The following SLC13A4 variants were observed in gnomAD, a reference collection of about 807,000 sequenced individuals.
The protein encoded by SLC13A4 is Na(+)/sulfate cotransporter SUT-1.
SLC13A4 carries 28 observed loss-of-function variants against 72.7 expected under a neutral mutation model. The observed-to-expected ratio is 0.39, with a 90% CI of 0.29 to 0.53. The LOEUF is 0.53. SLC13A4 is among the 20% of genes least tolerant of loss of function. The pLI, the probability that SLC13A4 is intolerant of heterozygous loss-of-function variation, is 0.78. For missense variants in SLC13A4, 653 were observed against 788.0 expected, an observed-to-expected ratio of 0.83 and a Z score of 2.05; for synonymous variants, 312 against 325.5, an observed-to-expected ratio of 0.96 and a Z score of 0.45.
At chr7:135,695,575 A>C in intron 8 of SLC13A4, 88 bp from the exon 9 acceptor site, 1 of 1,444,240 alleles carries the variant, frequency 6.9e-7, no homozygotes, top group Non-Finnish European at 9.4e-7. Context: ...TCCCTAAAAC[A>C]TACAGCTGGG....
chr7:135,689,209 A>G (rs1267045152), intron 13 of SLC13A4, among the ~76,000 whole-genome samples: 2 of 152,146 alleles, frequency 1.3e-5, no homozygotes, highest in Non-Finnish European at 2.9e-5. Flanking sequence ...AAAAAATAAA[A>G]TCTTGCCAGG....
intron 15 of SLC13A4, chr7:135,683,819 G>A (rs1179090012): frequency 2.0e-6 from 2 of 981,078 alleles, no homozygotes; most frequent in Non-Finnish European, 2.4e-6. Flanking sequence ...AAGAAACGAA[G>A]GCAAAACTTG....
intron 7 of SLC13A4, among the ~76,000 whole-genome samples, chr7:135,700,535 ATTG>A (rs1428481832): frequency 9.2e-5 from 14 of 152,218 alleles, no homozygotes; most frequent in African/African-American, 3.4e-4. Context: ...TAAAAGATCC[ATTG>A]ATTAACAGAG....
In SLC13A4 at chr7:135,705,577, A is replaced by G. The variant is rs778292095; in HGVS notation, c.593+19T>C. The G allele has an allele frequency of 8.7e-6, 14 of 1,612,670 alleles. No homozygotes were observed. Among genetic ancestry groups the G allele is most frequent in the Non-Finnish European group, 1.2e-5 (14 of 1,178,964 alleles). ...TGGACTCTGAGAGGCGCTGTCTGGG[A>G]GAGGGCAGTCATACTCACTCTTCAT... On this transcript the variant is annotated intron_variant, in intron 5 of 15. Coordinates refer to ENST00000682651, the MANE Select transcript of SLC13A4 (RefSeq NM_001318192.2).
At chr7:135,702,527 C>T (rs1208829607) in intron 6 of SLC13A4, 1 of 288,160 alleles carries the variant, frequency 3.5e-6, no homozygotes, top group African/African-American at 2.2e-5. Flanking sequence ...CGGTGCCCAT[C>T]ACCACTCCCA....
intron 2 of SLC13A4, among the ~76,000 whole-genome samples, chr7:135,720,641 G>C (rs760604583): frequency 1.3e-5 from 2 of 151,278 alleles, no homozygotes; most frequent in African/African-American, 2.4e-5. Flanking sequence ...AATGGAACCA[G>C]GTGTTACTGA....
At chr7:135,694,319 C>T (rs573930841) in intron 9 of SLC13A4, 81 bp from the exon 10 acceptor site, 33 of 833,810 alleles carry the variant, frequency 4.0e-5, no homozygotes, top group Non-Finnish European at 5.6e-5. Context: ...AATACTAAAC[C>T]GCTTGCCTGC....
In SLC13A4 at chr7:135,721,398, A is replaced by G. The variant is rs780723102; in HGVS notation, c.225T>C (p.Asn75=). 1.9e-6 allele frequency: 3 copies of G among 1,613,912 alleles called. No individual in the cohort carries two copies. The highest frequency in any genetic ancestry group is 1.7e-6 in the Non-Finnish European group (2 of 1,179,874). ...GTGGGGCTACAAGTAGTCTAACCTC[A>G]TTGGACCGGAGGACTCCGAAGAACG... is the stretch of plus-strand genomic sequence containing the variant. ...LYPFFGVLRS[N]EVAAEYFKNT... is the part of the protein sequence containing the mutation. Residue 75 remains asparagine (N), a synonymous_variant, in exon 2 of 16, where the codon AAT becomes AAC. Transcript: ENST00000682651.
At chr7:135,684,849 C>G (rs1401429399) in intron 14 of SLC13A4, among the ~76,000 whole-genome samples, 1 of 152,078 alleles carries the variant, frequency 6.6e-6, no homozygotes, top group Non-Finnish European at 1.5e-5. Flanking sequence ...GACTATGTTG[C>G]TGGGGTCAGG....
At chr7:135,695,033 T>A (rs1326322334) in intron 9 of SLC13A4, among the ~76,000 whole-genome samples, 4 of 152,184 alleles carry the variant, frequency 2.6e-5, no homozygotes, top group African/African-American at 9.7e-5. Flanking sequence ...TTTCTTGGAG[T>A]AATTGGAAGT....
chr7:135,715,333 G>A (rs113331026), intron 2 of SLC13A4, among the ~76,000 whole-genome samples: 18 of 149,470 alleles, frequency 1.2e-4, no homozygotes, highest in African/African-American at 4.2e-4. Flanking sequence ...GTGAGTAAGT[G>A]TATGTATATG....
intron 13 of SLC13A4, among the ~76,000 whole-genome samples, chr7:135,687,050 C>T (rs1293495883): frequency 2.0e-5 from 3 of 152,032 alleles, no homozygotes; most frequent in African/African-American, 7.2e-5. Flanking sequence ...GAGTGAGACT[C>T]TGTCTCAAAA....
intron 2 of SLC13A4, among the ~76,000 whole-genome samples, chr7:135,720,525 C>T (rs1360536104): frequency 1.3e-5 from 2 of 149,092 alleles, no homozygotes; most frequent in Admixed American, 1.3e-4. Context: ...ATAACCTTAC[C>T]CCCATCTCAG....
chr7:135,713,037 C>T (rs527909259), intron 2 of SLC13A4, among the ~76,000 whole-genome samples: 89 of 152,112 alleles, frequency 5.9e-4, no homozygotes, highest in Non-Finnish European at 1.2e-3. Flanking sequence ...GCTGGTTTCC[C>T]GTCTCATTCT....
intron 10 of SLC13A4, among the ~76,000 whole-genome samples, chr7:135,693,812 C>G (rs1795844163): frequency 1.3e-5 from 2 of 152,194 alleles, no homozygotes; most frequent in Admixed American, 6.5e-5. Context: ...TGAGAGGTGG[C>G]CTGGCTTTGG....
Position 135,699,324 on chromosome 7 carries a change from G to C in SLC13A4, c.899+40C>G, listed in dbSNP as rs137928962. 1.9e-5 allele frequency: 29 copies of C among 1,552,874 alleles called. No individual in the cohort carries two copies. The African/African-American group carries it at 3.2e-4, about 17-fold the overall frequency. ...CCTAGTCCAGTTCCTGACACACAGTGGTGGTTAGTAAATATTTGTTGACCA... is the reference window on the plus strand; with the variant it reads ...CCTAGTCCAGTTCCTGACACACAGTCGTGGTTAGTAAATATTTGTTGACCA... On this transcript the variant is annotated intron_variant, in intron 8 of 15. Coordinates refer to ENST00000682651, the MANE Select transcript of SLC13A4 (RefSeq NM_001318192.2).
chr7:135,709,889 GTTGT>G (rs953193619), intron 2 of SLC13A4, among the ~76,000 whole-genome samples: 5 of 152,150 alleles, frequency 3.3e-5, no homozygotes, highest in African/African-American at 1.2e-4. Context: ...TGATTGTACT[GTTGT>G]TTGTTTATTT....
chr7:135,681,356 G>A lies in SLC13A4; in HGVS notation c.*207C>T. 2.1e-6 allele frequency: 1 copy of A among 481,074 alleles called. No individual in the cohort carries two copies. The highest frequency in any genetic ancestry group is 3.6e-6 in the Non-Finnish European group (1 of 279,464). 29.8% of individuals were successfully genotyped at this position (481,074 alleles called of 1,614,324 possible). On this transcript the variant is annotated 3_prime_UTR_variant, in exon 16 of 16. Transcript: ENST00000682651. ...GCTGTGGTGCTGAGGGCAGGAAGAA[G>A]ACACTAACAGCGAAGCATGTGTTTG...
chr7:135,684,646 GTTTT>G (rs534173554), intron 14 of SLC13A4, among the ~76,000 whole-genome samples: 2 of 132,462 alleles, frequency 1.5e-5, no homozygotes, highest in Admixed American at 7.5e-5. Flanking sequence ...AACTAAGGTG[GTTTT>G]TTTTTTTTTT....
Sources: gnomAD v4.1 joint callset for allele counts (sites outside exome capture counted in the v4.1 genomes callset) on GRCh38, gnomAD v4.1.1 for gene constraint, MANE v1.5 for transcripts, NCBI Gene and HGNC (gene_info 2026-07-23, HGNC 2026-07-21) for gene names.